SLC22A3: variants seen among roughly 807,000 people sequenced by gnomAD.
SLC22A3 encodes the protein EMT organic cation transporter 3.
Under a neutral mutation model 59.1 loss-of-function variants are expected in SLC22A3, and 51 were observed. That is an observed-to-expected ratio of 0.86 (90% CI 0.69 to 1.09). The LOEUF is 1.09. SLC22A3 is among the 50% of genes least tolerant of loss of function. SLC22A3 has a pLI of 0.00. For synonymous variants in SLC22A3, 325 were observed against 292.0 expected, an observed-to-expected ratio of 1.11 and a Z score of -1.15; for missense variants, 711 against 726.3, an observed-to-expected ratio of 0.98 and a Z score of 0.24.
intron 1 of SLC22A3, among the ~76,000 whole-genome samples, chr6:160,382,756 C>T (rs982719052): frequency 6.6e-6 from 1 of 152,032 alleles, no homozygotes; most frequent in African/African-American, 2.4e-5. Context: ...TTCAAAGCAC[C>T]TATTGTAGAT....
At chr6:160,364,404 C>T (rs184198234) in intron 1 of SLC22A3, among the ~76,000 whole-genome samples, 2 of 152,308 alleles carry the variant, frequency 1.3e-5, no homozygotes, top group East Asian at 3.9e-4. Context: ...TTCATGGTGG[C>T]ACCACATGTG....
At chr6:160,379,780 T>C (rs191016883) in intron 1 of SLC22A3, among the ~76,000 whole-genome samples, 1 of 152,222 alleles carries the variant, frequency 6.6e-6, no homozygotes, top group Non-Finnish European at 1.5e-5. Context: ...TGAAGATCAA[T>C]ACATCTGAAA....
intron 7 of SLC22A3, among the ~76,000 whole-genome samples, chr6:160,439,764 C>T (rs1424186640): frequency 6.6e-6 from 1 of 152,146 alleles, no homozygotes; most frequent in African/African-American, 2.4e-5. Context: ...GACTTGGCTG[C>T]TTTTATAGTC....
chr6:160,437,615 C>A (rs769764394), intron 7 of SLC22A3, among the ~76,000 whole-genome samples: 1 of 152,216 alleles, frequency 6.6e-6, no homozygotes, highest in Non-Finnish European at 1.5e-5. Context: ...GAATGGTTCA[C>A]AATCTATTAA....
intron 5 of SLC22A3, among the ~76,000 whole-genome samples, chr6:160,425,314 C>T (rs1232619331): frequency 2.0e-5 from 3 of 152,112 alleles, no homozygotes; most frequent in African/African-American, 2.4e-5. Flanking sequence ...GTCCCAGAAA[C>T]GAAAGGGTAT....
At chr6:160,363,377 T>C (rs1321247723) in intron 1 of SLC22A3, among the ~76,000 whole-genome samples, 1 of 152,160 alleles carries the variant, frequency 6.6e-6, no homozygotes, top group Non-Finnish European at 1.5e-5. Context: ...GGCAGGAAGC[T>C]CAGAGTCCAG....
At chr6:160,417,893 T>C (rs915384802) in intron 5 of SLC22A3, among the ~76,000 whole-genome samples, 3 of 152,180 alleles carry the variant, frequency 2.0e-5, no homozygotes, top group Non-Finnish European at 4.4e-5. Flanking sequence ...GGAGTTGACC[T>C]AGCAAAGCTT....
At chr6:160,425,879 A>G (rs1022409070) in intron 5 of SLC22A3, 2 of 985,342 alleles carry the variant, frequency 2.0e-6, no homozygotes, top group African/African-American at 1.7e-5. Context: ...GAGACCAGCC[A>G]TGAGACATAA....
rs939882121 is a variant in SLC22A3 at position 160,435,911 on chromosome 6, C to CT, written c.976-869_976-868insT. Among the ~76,000 whole-genome samples, 30 of 152,248 alleles carry CT rather than the reference C, an allele frequency of 2.0e-4. 1 individual carries two copies. Among genetic ancestry groups the CT allele is most frequent in the African/African-American group, 7.0e-4 (29 of 41,558 alleles). On this transcript the variant is annotated intron_variant, in intron 5 of 10. Transcript: ENST00000275300. ...TTTGCTTGGTGTGACAATGCACTCC[C>CT]GCCTTCCAAGAGCTCCAGACCCACA...
In SLC22A3 at chr6:160,348,736, G is replaced by C. The variant is rs1784558895; in HGVS notation, c.317G>C (p.Ser106Thr). 2 of 1,531,766 alleles carry C rather than the reference G, an allele frequency of 1.3e-6. No homozygotes were observed. Among genetic ancestry groups the C allele is most frequent in the African/African-American group, 2.8e-5 (2 of 72,142 alleles). 94.9% of individuals were successfully genotyped at this position (1,531,766 alleles called of 1,614,324 possible). Residue 106 changes from serine to threonine, a missense_variant, in exon 1 of 11, where the codon AGC (serine) becomes ACC (threonine). By Grantham distance (58) the Ser-to-Thr change is moderately conservative. Coordinates refer to ENST00000275300, the MANE Select transcript of SLC22A3 (RefSeq NM_021977.4). ...GCCAACGACAGCGCCTCCGCCACTA[G>C]CGCTCTCAGCTGCGCGGACCCACTC... Reference protein sequence around the residue: ...EAANDSASATSALSCADPLAA... With the variant: ...EAANDSASATTALSCADPLAA...
intron 9 of SLC22A3, among the ~76,000 whole-genome samples, chr6:160,447,249 C>T (rs1788779017): frequency 6.6e-6 from 1 of 152,094 alleles, no homozygotes; most frequent in South Asian, 2.1e-4. Flanking sequence ...CAGTGAGGAG[C>T]CCAAAGAGAC....
chr6:160,386,998 C>T (rs1156360125), intron 1 of SLC22A3, among the ~76,000 whole-genome samples: 1 of 152,122 alleles, frequency 6.6e-6, no homozygotes, highest in Non-Finnish European at 1.5e-5. Flanking sequence ...GAGTCCTCCT[C>T]CAGCAGGGTA....
chr6:160,356,164 A>ACTCCTAACG, intron 1 of SLC22A3, among the ~76,000 whole-genome samples: 1 of 151,986 alleles, frequency 6.6e-6, no homozygotes, highest in Non-Finnish European at 1.5e-5. Context: ...CTTCCTGTTG[A>ACTCCTAACG]CTCCTAACGC....
chr6:160,433,515 T>TCTACTACTACTACTACTACTACTACTA (rs3066966), intron 5 of SLC22A3, among the ~76,000 whole-genome samples: 1 of 146,870 alleles, frequency 6.8e-6, no homozygotes, highest in Non-Finnish European at 1.5e-5. Flanking sequence ...AGACCCTGTC[T>TCTACTACTACTACTACTACTACTACTA]CTACTACTAC....
At chr6:160,411,882 G>T (rs765852622) in intron 5 of SLC22A3, among the ~76,000 whole-genome samples, 1 of 152,204 alleles carries the variant, frequency 6.6e-6, no homozygotes, top group Non-Finnish European at 1.5e-5. Context: ...AGAAAAATAT[G>T]ATGATGTTTT....
intron 1 of SLC22A3, among the ~76,000 whole-genome samples, chr6:160,373,831 G>T (rs1785491075): frequency 6.6e-6 from 1 of 152,158 alleles, no homozygotes; most frequent in Non-Finnish European, 1.5e-5. Context: ...ACCTACTCAA[G>T]CCTCAGTAAT....
At chr6:160,430,877 T>C (rs1788127306) in intron 5 of SLC22A3, among the ~76,000 whole-genome samples, 1 of 152,188 alleles carries the variant, frequency 6.6e-6, no homozygotes, top group African/African-American at 2.4e-5. Context: ...TATGAAATTC[T>C]AGAAAAAGCA....
intron 1 of SLC22A3, among the ~76,000 whole-genome samples, chr6:160,397,412 G>T (rs562154839): frequency 3.3e-5 from 5 of 152,056 alleles, no homozygotes; most frequent in Admixed American, 3.3e-4. Flanking sequence ...CTCGGTGGTT[G>T]GGGACTCTTG....
chr6:160,425,638 G>A (rs911263892), intron 5 of SLC22A3, among the ~76,000 whole-genome samples: 1 of 151,940 alleles, frequency 6.6e-6, no homozygotes, highest in Non-Finnish European at 1.5e-5. Flanking sequence ...TGAAGAACAT[G>A]CATATAAGAC....
Sources: gnomAD v4.1 joint callset for allele counts (sites outside exome capture counted in the v4.1 genomes callset) on GRCh38, gnomAD v4.1.1 for gene constraint, MANE v1.5 for transcripts, NCBI Gene and HGNC (gene_info 2026-07-23, HGNC 2026-07-21) for gene names.